The following C6orf89 variants were observed in gnomAD, a reference collection of about 807,000 sequenced individuals.
C6orf89 encodes chromosome 6 open reading frame 89.
In C6orf89, 29 loss-of-function variants were observed where a neutral mutation model predicts 40.7. That is an observed-to-expected ratio of 0.71 (90% confidence interval 0.53 to 0.97). The LOEUF is 0.97. C6orf89 is among the 50% of genes least tolerant of loss of function. C6orf89 has a pLI of 0.00. For synonymous variants in C6orf89, 165 were observed against 152.2 expected, an observed-to-expected ratio of 1.08 and a Z score of -0.62; for missense variants, 392 against 429.1, an observed-to-expected ratio of 0.91 and a Z score of 0.76.
At chr6:36,883,328 C>G (rs1774875913), upstream of C6orf89, 1 of 150,376 alleles carries the variant, frequency 6.6e-6, no homozygotes, top group Non-Finnish European at 1.5e-5. Context: ...ACTCCTGGAA[C>G]TGTACATCCA....
At chr6:36,891,686 C>T (rs1015505154) in intron 1 of C6orf89, among the ~76,000 whole-genome samples, 1 of 152,046 alleles carries the variant, frequency 6.6e-6, no homozygotes, top group African/African-American at 2.4e-5. Flanking sequence ...GAATGGATAC[C>T]ATACTTCATG....
chr6:36,886,026 C>T lies in C6orf89; in HGVS notation c.-122C>T. On this transcript the variant is annotated splice_region_variant and 5_prime_UTR_variant, in exon 1 of 9. Transcript: ENST00000480824. ...AGGAGCCCGAGGGGCGCGAGCCCCGCATGTGAGTGACTGGGGCCCGAGGCT... is the reference window on the plus strand; with the variant it reads ...AGGAGCCCGAGGGGCGCGAGCCCCGTATGTGAGTGACTGGGGCCCGAGGCT... 1 of 1,257,774 alleles carries T rather than the reference C, an allele frequency of 8.0e-7. No homozygotes were observed. Among genetic ancestry groups the T allele is most frequent in the Non-Finnish European group, 1.0e-6 (1 of 998,214 alleles). 77.9% of individuals were successfully genotyped at this position (1,257,774 alleles called of 1,614,324 possible).
At chr6:36,882,196 G>A (rs961808842), upstream of C6orf89, among the ~76,000 whole-genome samples, 4 of 152,082 alleles carry the variant, frequency 2.6e-5, no homozygotes, top group Non-Finnish European at 4.4e-5. Context: ...TTATCATTTT[G>A]GCTAAATGAA....
Position 36,892,371 on chromosome 6 carries a change from G to A in C6orf89, c.-119-2133G>A, listed in dbSNP as rs546354209. ...AAAAGAGCTGGAGCCTCCCTGTGTT[G>A]CCCAGCCGGGAGTGCAGTTGCTGTT... On this transcript the variant is annotated intron_variant, in intron 1 of 8. Coordinates refer to ENST00000480824, the MANE Select transcript of C6orf89 (RefSeq NM_001286635.2). Among the ~76,000 whole-genome samples, 4 of 152,256 alleles carry A rather than the reference G, an allele frequency of 2.6e-5. No homozygotes were observed. The South Asian group carries it at 6.2e-4, about 24-fold the overall frequency.
At chr6:36,874,635 G>C in intron 1 of C6orf89, 1 of 1,553,562 alleles carries the variant, frequency 6.4e-7, no homozygotes, top group Non-Finnish European at 8.9e-7. Flanking sequence ...CCTCCCGGAG[G>C]AACGCGCCAG....
At chr6:36,880,764 G>A (rs1774785960) in intron 2 of C6orf89, among the ~76,000 whole-genome samples, 1 of 152,132 alleles carries the variant, frequency 6.6e-6, no homozygotes, top group Non-Finnish European at 1.5e-5. Flanking sequence ...CTATACAAAG[G>A]CTATAAAGAA....
At position 36,926,171 on chromosome 6, in the gene C6orf89, T is replaced by C. The variant is rs1421901706; in HGVS notation, c.*2730T>C. On this transcript the variant is annotated 3_prime_UTR_variant, in exon 9 of 9. Transcript: ENST00000480824. ...GTCAAGTAGTGAATGGATACCATAC[T>C]TATTATGGTTGATGAAAAAAGGCAG... 6.6e-6 allele frequency: 1 copy of C among 152,210 alleles called. No individual in the cohort carries two copies. Among genetic ancestry groups the C allele is most frequent in the Non-Finnish European group, 1.5e-5 (1 of 68,036 alleles). The allele number at this position is 152,210 out of a possible 1,614,324, so 9.4% of individuals were successfully genotyped here.
chr6:36,887,357 T>A (rs914981679), intron 1 of C6orf89, among the ~76,000 whole-genome samples: 12 of 152,270 alleles, frequency 7.9e-5, no homozygotes, highest in Admixed American at 7.2e-4. Flanking sequence ...TATAAATTTG[T>A]TCAACATTGA....
intron 1 of C6orf89, among the ~76,000 whole-genome samples, chr6:36,877,883 C>CAA (rs78669660): frequency 3.9e-5 from 6 of 152,242 alleles, no homozygotes; most frequent in African/African-American, 1.4e-4. Flanking sequence ...TTCTATTTGG[C>CAA]TGTTTTCTTA....
At chr6:36,887,497 C>G (rs950179399) in intron 1 of C6orf89, among the ~76,000 whole-genome samples, 1 of 152,046 alleles carries the variant, frequency 6.6e-6, no homozygotes, top group Non-Finnish European at 1.5e-5. Context: ...AATGCCAAGC[C>G]CTAGAGGTGC....
chr6:36,914,602 T>C lies in C6orf89; in HGVS notation c.604T>C (p.Tyr202His). 6.2e-7 allele frequency: 1 copy of C among 1,614,232 alleles called. No homozygotes were observed. The highest frequency in any genetic ancestry group is 8.5e-7 in the Non-Finnish European group (1 of 1,180,030). The change falls in exon 6 of 9, where the codon TAC (tyrosine) becomes CAC (histidine). Residue 202 changes from tyrosine (Y) to histidine (H), a missense_variant. Transcript: ENST00000480824. ...EEEIQHFLCQ[Y>H]PEATEGFSEG... is the part of the protein sequence containing the mutation. ...AGAGATTCAGCATTTTTTGTGCCAG[T>C]ACCCTGAGGCGACAGAAGGCTTCTC...
chr6:36,925,914 C>T lies in C6orf89; in HGVS notation c.*2473C>T, dbSNP rs1274176882. The T allele has an allele frequency of 6.6e-6, 1 of 152,246 alleles. No homozygotes were observed. Among genetic ancestry groups the T allele is most frequent in the Non-Finnish European group, 1.5e-5 (1 of 68,062 alleles). The allele number at this position is 152,246 out of a possible 1,614,324, so 9.4% of individuals were successfully genotyped here. On this transcript the variant is annotated 3_prime_UTR_variant, in exon 9 of 9. Transcript: ENST00000480824. ...CACCTAACCAACTCCCCACCTCCAC[C>T]ACCACAATAAGAACAAAACTGTAGG...
At chr6:36,872,762 C>T (rs1186433258) in intron 1 of C6orf89, among the ~76,000 whole-genome samples, 1 of 152,168 alleles carries the variant, frequency 6.6e-6, no homozygotes, top group African/African-American at 2.4e-5. Context: ...CATGCATCAC[C>T]AAGCTCAGCT....
chr6:36,921,943 T>G (rs1231785222), intron 8 of C6orf89, among the ~76,000 whole-genome samples: 3 of 151,522 alleles, frequency 2.0e-5, no homozygotes, highest in African/African-American at 2.4e-5. Context: ...TGGGAGGATC[T>G]CTTGAGCCCA....
rs375728618 is a variant in C6orf89, at chr6:36,879,420, G to A, written c.-503+288G>A. 5.9e-4 allele frequency among the ~76,000 whole-genome samples: 90 copies of A among 152,280 alleles called. No individual in the cohort carries two copies. The East Asian group carries it at 6.6e-3, about 11-fold the overall frequency. On this transcript the variant is annotated intron_variant, in intron 2 of 9. Coordinates refer to the C6orf89 transcript ENST00000359359. ...GGCCCCCAGTGTGATGGTGTGGCAA[G>A]CTGGGTCACTGGGGCCGCTGAGGGA... is the stretch of plus-strand genomic sequence containing the variant.
At chr6:36,885,697 G>C (rs533602318), upstream of C6orf89, among the ~76,000 whole-genome samples, 2 of 152,280 alleles carry the variant, frequency 1.3e-5, no homozygotes, top group South Asian at 2.1e-4. Flanking sequence ...GTTCAGCTAT[G>C]AAGTCTGTGT....
intron 1 of C6orf89, chr6:36,874,792 T>G (rs758495497): frequency 9.9e-6 from 16 of 1,613,556 alleles, no homozygotes; most frequent in Non-Finnish European, 1.7e-6. Context: ...GGCGGCGGAA[T>G]GCTTGTCTAG....
chr6:36,884,490 A>T (rs765045828), upstream of C6orf89, among the ~76,000 whole-genome samples: 10 of 152,174 alleles, frequency 6.6e-5, 1 homozygote, highest in Admixed American at 1.3e-4. The surrounding 1 kb of genome is among the most constrained non-coding windows in gnomAD (Gnocchi z 4.0). Flanking sequence ...AAGATTTTAA[A>T]TGCTTGCATG....
intron 2 of C6orf89, among the ~76,000 whole-genome samples, chr6:36,897,569 C>T (rs1761485454): frequency 6.6e-6 from 1 of 152,186 alleles, no homozygotes; most frequent in East Asian, 1.9e-4. Flanking sequence ...TCCTGGAAGT[C>T]TAGATTGCAT....
Sources: allele counts gnomAD v4.1 joint callset (sites outside exome capture counted in the v4.1 genomes callset), GRCh38; gene constraint gnomAD v4.1.1; non-coding constraint Gnocchi (gnomAD v3.1); transcripts MANE v1.5; gene names NCBI Gene and HGNC (gene_info 2026-07-23, HGNC 2026-07-21).